Variants in ZBTB8B observed in about 807,000 individuals in gnomAD.
ZBTB8B encodes the protein zinc finger and BTB domain containing 8B, also known as zinc finger and BTB domain-containing protein 8B.
Under a neutral mutation model 30.3 loss-of-function variants are expected in ZBTB8B, and 17 were observed. The observed-to-expected ratio is 0.56, with a 90% CI of 0.38 to 0.84. The LOEUF is 0.84. ZBTB8B is among the 40% of genes least tolerant of loss of function. ZBTB8B has a pLI of 0.00. For synonymous variants in ZBTB8B, 248 were observed against 255.6 expected (o/e 0.97, Z 0.28); for missense variants, 515 against 644.9 (o/e 0.80, Z 2.18).
intron 2 of ZBTB8B, among the ~76,000 whole-genome samples, chr1:32,472,553 G>A (rs1643632222): frequency 6.6e-6 from 1 of 152,218 alleles, no homozygotes; most frequent in Non-Finnish European, 1.5e-5. Flanking sequence ...GTGCTTGTCA[G>A]AGACTAGGCA....
intron 1 of ZBTB8B, among the ~76,000 whole-genome samples, chr1:32,468,236 C>T (rs1452031579): frequency 6.6e-6 from 1 of 152,160 alleles, no homozygotes. Flanking sequence ...ATGTTGTCCC[C>T]AGGCTCCATC....
chr1:32,486,251 C>T lies in ZBTB8B; in HGVS notation c.*833C>T, dbSNP rs1643744143. The T allele has an allele frequency of 6.6e-6, 1 of 152,224 alleles. No homozygotes were observed. Among genetic ancestry groups the T allele is most frequent in the South Asian group, 2.1e-4 (1 of 4,828 alleles). The allele number at this position is 152,224 out of a possible 1,614,324, so 9.4% of individuals were successfully genotyped here. On this transcript the variant is annotated 3_prime_UTR_variant, in exon 4 of 4. Coordinates refer to ENST00000609129, the MANE Select transcript of ZBTB8B (RefSeq NM_001145720.2). ...GGAGCTGTGTAACTTGGAAATGTAG[C>T]TGCCTCTGGCATTCTTTTACTTAGT...
chr1:32,488,696 A>AT lies in ZBTB8B; in HGVS notation c.*3284dup, dbSNP rs972187119. 6.6e-6 allele frequency: 1 copy of AT among 152,132 alleles called. No individual in the cohort carries two copies. The highest frequency in any genetic ancestry group is 1.5e-5 in the Non-Finnish European group (1 of 68,018). 9.4% of individuals were successfully genotyped at this position (152,132 alleles called of 1,614,324 possible). A position where few individuals can be genotyped will look rare whatever the true frequency, so the allele number is the denominator to read the frequency against. On this transcript the variant is annotated 3_prime_UTR_variant, in exon 4 of 4. Coordinates refer to ENST00000609129, the MANE Select transcript of ZBTB8B (RefSeq NM_001145720.2). ...AAACTCTGCTGTAAGATAAAGTAGG[A>AT]TTTTTTAAAGGATCTTTAATGAGTG...
In ZBTB8B at chr1:32,491,126, T is replaced by C. The variant is rs984881221; in HGVS notation, c.*5708T>C. 6.6e-6 allele frequency: 1 copy of C among 152,224 alleles called. No homozygotes were observed. The highest frequency in any genetic ancestry group is 1.9e-4 in the East Asian group (1 of 5,204). The allele number at this position is 152,224 out of a possible 1,614,324, so 9.4% of individuals were successfully genotyped here. Reference sequence around the variant, plus strand: ...TCAGTGGAGGTTAGGGCAGGGATTATGTGCTTTGATGAGGAAGGTTTAGTA... The same window carrying C: ...TCAGTGGAGGTTAGGGCAGGGATTACGTGCTTTGATGAGGAAGGTTTAGTA... On this transcript the variant is annotated 3_prime_UTR_variant, in exon 4 of 4. Coordinates refer to ENST00000609129, the MANE Select transcript of ZBTB8B (RefSeq NM_001145720.2).
chr1:32,471,480 C>A lies in ZBTB8B; in HGVS notation c.856C>A (p.Arg286Ser), dbSNP rs188525493. The change falls in exon 2 of 4, where the codon CGC becomes AGC. Residue 286 changes from arginine to serine, a missense_variant. Arg to Ser is a moderately radical substitution (Grantham distance 110). This residue lies in a region of ZBTB8B where 429 missense variants were observed against 504.3 expected (regional missense o/e 0.85). Transcript: ENST00000609129. ...HVKQFLEALL[R>S]NSAAPSKDDA... ...GAAGCAGTTCCTGGAGGCGCTCTTG[C>A]GCAACAGCGCTGCCCCGAGCAAGGA... is the stretch of plus-strand genomic sequence containing the variant. 9 of 1,551,818 alleles carry A rather than the reference C, an allele frequency of 5.8e-6. No homozygotes were observed. The African/African-American group carries it at 6.8e-5, about 12-fold the overall frequency.
intron 2 of ZBTB8B, among the ~76,000 whole-genome samples, chr1:32,478,396 G>A (rs1156979284): frequency 6.6e-6 from 1 of 150,974 alleles, no homozygotes; most frequent in East Asian, 2.0e-4. Context: ...CCTGTAATCC[G>A]AGCTGCTCTG....
intron 2 of ZBTB8B, among the ~76,000 whole-genome samples, chr1:32,477,328 G>A (rs1440350842): frequency 6.6e-6 from 1 of 152,196 alleles, no homozygotes; most frequent in Non-Finnish European, 1.5e-5. Flanking sequence ...GGCCTGTCAT[G>A]TAATAGGATT....
chr1:32,485,455 G>C lies in ZBTB8B; in HGVS notation c.*37G>C. On this transcript the variant is annotated 3_prime_UTR_variant, in exon 4 of 4. Coordinates refer to ENST00000609129, the MANE Select transcript of ZBTB8B (RefSeq NM_001145720.2). ...TGGGGAAGAGGAGGTTTTAAAACTTGTTAGTGCTCGTTCTGTTGTTGAAAG... is the reference window on the plus strand; with the variant it reads ...TGGGGAAGAGGAGGTTTTAAAACTTCTTAGTGCTCGTTCTGTTGTTGAAAG... The C allele has an allele frequency of 6.6e-7, 1 of 1,526,232 alleles. No individual in the cohort carries two copies. The highest frequency in any genetic ancestry group is 1.2e-5 in the South Asian group (1 of 81,332). The allele number at this position is 1,526,232 out of a possible 1,614,324, so 94.5% of individuals were successfully genotyped here.
chr1:32,471,421 AGGC>A lies in ZBTB8B; in HGVS notation c.800_802del (p.Ala267del), dbSNP rs1189352872. The A allele has an allele frequency of 5.2e-6, 8 of 1,551,696 alleles. No homozygotes were observed. In the African/African-American group the frequency reaches 1.1e-4, roughly 21 times the overall value. ...GTGGAGGAGGCCTTGCCAAGCGGCC[AGGC>A]GGTTGACTTGGCTTACAGCAACTAC... On this transcript the variant is annotated inframe_deletion, in exon 2 of 4. Transcript: ENST00000609129.
In ZBTB8B at chr1:32,472,111, C is replaced by T. The variant is rs937295044; in HGVS notation, c.991+496C>T. Reference sequence around the variant, plus strand: ...AGTATCACCATCTCATTATGATCATCATCAGTCACCATTATTGCCACCACC... The same window carrying T: ...AGTATCACCATCTCATTATGATCATTATCAGTCACCATTATTGCCACCACC... On this transcript the variant is annotated intron_variant, in intron 2 of 3. Transcript: ENST00000609129. Among the ~76,000 whole-genome samples the T allele has an allele frequency of 1.4e-4, 21 of 152,340 alleles. No homozygotes were observed. In the East Asian group the frequency reaches 4.0e-3, roughly 29 times the overall value.
At position 32,471,180 on chromosome 1, in the gene ZBTB8B, G is replaced by A. The variant is rs74557069; in HGVS notation, c.556G>A (p.Val186Met). 1.9e-6 allele frequency: 3 copies of A among 1,551,886 alleles called. No individual in the cohort carries two copies. Among genetic ancestry groups the A allele is most frequent in the East Asian group, 2.4e-5 (1 of 40,916 alleles). Residue 186 changes from valine (V) to methionine (M), a missense_variant, in exon 2 of 4, where the codon GTG becomes ATG. By Grantham distance (21) the Val-to-Met change is conservative. This residue lies in a region of ZBTB8B where 429 missense variants were observed against 504.3 expected (regional missense o/e 0.85). Transcript: ENST00000609129. The part of the protein sequence containing the change: ...VSSPAEGEKS[V>M]ECLRESPCGD... The stretch of plus-strand genomic sequence containing the variant: ...CTCTCCAGCCGAGGGAGAAAAGAGC[G>A]TGGAGTGCCTGAGAGAGTCCCCTTG...
In ZBTB8B at chr1:32,495,626, AC is replaced by A. The variant is rs1339742884; in HGVS notation, c.*10209del. ...TGTCCTCGGAAACAAATACAATTTA[AC>A]TATTTTCTGTACCGTCCCAAATTTG... On this transcript the variant is annotated 3_prime_UTR_variant, in exon 4 of 4. Coordinates refer to ENST00000609129, the MANE Select transcript of ZBTB8B (RefSeq NM_001145720.2). 6.6e-6 allele frequency: 1 copy of A among 152,208 alleles called. No homozygotes were observed. Among genetic ancestry groups the A allele is most frequent in the Non-Finnish European group, 1.5e-5 (1 of 68,028 alleles). 9.4% of individuals were successfully genotyped at this position (152,208 alleles called of 1,614,324 possible). A position where few individuals can be genotyped will look rare whatever the true frequency, so the allele number is the denominator to read the frequency against.
chr1:32,481,357 C>T (rs2148185206), intron 3 of ZBTB8B, among the ~76,000 whole-genome samples: 1 of 152,248 alleles, frequency 6.6e-6, no homozygotes, highest in South Asian at 2.1e-4. Flanking sequence ...ATGTAGAGAA[C>T]AACAGGGCTC....
rs372631811 is a variant in ZBTB8B at position 32,484,194 on chromosome 1, A to C, written c.1171-907A>C. 4.0e-4 allele frequency among the ~76,000 whole-genome samples: 61 copies of C among 151,514 alleles called. No homozygotes were observed. Among genetic ancestry groups the C allele is most frequent in the African/African-American group, 1.5e-3 (61 of 41,218 alleles). ...CTGCACTCCAGCCTGGGTGACAGAG[A>C]AAGACCCTGTCTCTGGAAAAAAAAA... On this transcript the variant is annotated intron_variant, in intron 3 of 3. Coordinates refer to ENST00000609129, the MANE Select transcript of ZBTB8B (RefSeq NM_001145720.2). The surrounding 1 kb of genome is among the most constrained non-coding windows in gnomAD (Gnocchi z 4.5).
rs1278808348 is a variant in ZBTB8B at position 32,467,243 on chromosome 1, G to GGT, written c.-42+2138_-42+2139insGT. 5.4e-3 allele frequency among the ~76,000 whole-genome samples: 732 copies of GGT among 134,698 alleles called. 4 individuals carry two copies. Among genetic ancestry groups the GGT allele is most frequent in the African/African-American group, 0.019 (683 of 36,162 alleles). 88.4% of individuals were successfully genotyped at this position (134,698 alleles called of 152,430 possible). On this transcript the variant is annotated intron_variant, in intron 1 of 3. Transcript: ENST00000609129. ...AAGGCGAAAGTCCCTCCACACACTT[G>GGT]TTTTTTTTTTTTTTTTTGAGATGGA...
At position 32,465,510 on chromosome 1, in the gene ZBTB8B, G is replaced by T. The variant is rs182456120; in HGVS notation, c.-42+405G>T. On this transcript the variant is annotated intron_variant, in intron 1 of 3. Transcript: ENST00000609129. This position sits in a 1 kb window ranked among gnomAD's most constrained non-coding sequence, Gnocchi z 4.1. Reference sequence around the variant, plus strand: ...TTGGGGTCCCACCCTCGGGGGCCGTGCCCTGTAGCTGGTTCTGGTGGCCTC... The same window carrying T: ...TTGGGGTCCCACCCTCGGGGGCCGTTCCCTGTAGCTGGTTCTGGTGGCCTC... Among the ~76,000 whole-genome samples the T allele has an allele frequency of 5.3e-3, 804 of 152,370 alleles. 5 individuals are homozygous for T. The highest frequency in any genetic ancestry group is 0.018 in the African/African-American group (752 of 41,590).
chr1:32,485,606 G>A lies in ZBTB8B; in HGVS notation c.*188G>A. The A allele has an allele frequency of 1.6e-6, 1 of 639,812 alleles. No homozygotes were observed. Among genetic ancestry groups the A allele is most frequent in the Non-Finnish European group, 2.6e-6 (1 of 379,906 alleles). 39.6% of individuals were successfully genotyped at this position (639,812 alleles called of 1,614,324 possible). A position where few individuals can be genotyped will look rare whatever the true frequency, so the allele number is the denominator to read the frequency against. On this transcript the variant is annotated 3_prime_UTR_variant, in exon 4 of 4. Coordinates refer to ENST00000609129, the MANE Select transcript of ZBTB8B (RefSeq NM_001145720.2). Reference sequence around the variant, plus strand: ...GACTCAAAGGACAGATAACCTTTTTGTGTGGTGCCCTTGGTTTCTGAGGGC... The same window carrying A: ...GACTCAAAGGACAGATAACCTTTTTATGTGGTGCCCTTGGTTTCTGAGGGC...
intron 2 of ZBTB8B, among the ~76,000 whole-genome samples, chr1:32,475,796 C>T (rs1643660635): frequency 6.7e-6 from 1 of 149,682 alleles, no homozygotes; most frequent in South Asian, 2.1e-4. Flanking sequence ...CATGGAAAAC[C>T]TTAAATGCAA....
intron 2 of ZBTB8B, among the ~76,000 whole-genome samples, chr1:32,477,297 A>C (rs1482262558): frequency 1.3e-5 from 2 of 152,214 alleles, no homozygotes; most frequent in Non-Finnish European, 1.5e-5. Flanking sequence ...TTCTTGAGGG[A>C]GGAAACAGGT....
Sources: gnomAD v4.1 joint callset for allele counts (sites outside exome capture counted in the v4.1 genomes callset) on GRCh38, gnomAD v4.1.1 for gene constraint, gnomAD v4.1.1 regional missense constraint, Gnocchi (gnomAD v3.1) non-coding constraint, MANE v1.5 for transcripts, NCBI Gene and HGNC (gene_info 2026-07-23, HGNC 2026-07-21) for gene names.